Variants in NAA15 observed in about 807,000 individuals in gnomAD.
NAA15 encodes the protein N-terminal acetyltransferase.
NAA15 carries 34 observed loss-of-function variants against 114.0 expected under a neutral mutation model. That is an observed-to-expected ratio of 0.30 (90% CI 0.23 to 0.40). The LOEUF is 0.40. Ranked by LOEUF, NAA15 falls within the 10% of genes least tolerant of loss-of-function variation. The pLI is 1.00. For synonymous variants in NAA15, 340 were observed against 338.0 expected (o/e 1.01, Z -0.06); for missense variants, 658 against 1,004.5 (o/e 0.66, Z 4.66).
chr4:139,388,358 T>C lies in NAA15; in HGVS notation c.*274T>C, dbSNP rs1645718994. ...TCCTATTCCTCCCCACCCACCCATG[T>C]TTTTAAACTAATTTATATAAAATCT... On this transcript the variant is annotated 3_prime_UTR_variant, in exon 20 of 20. Coordinates refer to ENST00000296543, the MANE Select transcript of NAA15 (RefSeq NM_057175.5). 4.2e-6 allele frequency: 1 copy of C among 238,870 alleles called. No homozygotes were observed. The highest frequency in any genetic ancestry group is 2.3e-5 in the African/African-American group (1 of 43,850). The allele number at this position is 238,870 out of a possible 1,614,324, so 14.8% of individuals were successfully genotyped here.
At chr4:139,339,624 G>A (rs577887972) in intron 3 of NAA15, among the ~76,000 whole-genome samples, 13 of 152,196 alleles carry the variant, frequency 8.5e-5, no homozygotes, top group Non-Finnish European at 1.0e-4. Flanking sequence ...GGTGGCAGAC[G>A]CTTGTAATCC....
intron 10 of NAA15, among the ~76,000 whole-genome samples, chr4:139,355,667 G>C (rs543495325): frequency 6.6e-6 from 1 of 152,154 alleles, no homozygotes; most frequent in Non-Finnish European, 1.5e-5. Flanking sequence ...ATGTTGGAAA[G>C]GGAAAATACA....
intron 15 of NAA15, among the ~76,000 whole-genome samples, chr4:139,375,843 A>C (rs1194649438): frequency 6.7e-6 from 1 of 149,228 alleles, no homozygotes; most frequent in East Asian, 1.9e-4. Flanking sequence ...AAATATTAAT[A>C]TTTTAAAATG....
At chr4:139,322,496 G>A (rs185023190) in intron 1 of NAA15, among the ~76,000 whole-genome samples, 1 of 152,306 alleles carries the variant, frequency 6.6e-6, no homozygotes, top group Admixed American at 6.5e-5. Context: ...TAAGGTGTGA[G>A]CTTTCTGGAT....
chr4:139,359,030 G>A (rs1431681243), intron 11 of NAA15, among the ~76,000 whole-genome samples: 2 of 151,584 alleles, frequency 1.3e-5, no homozygotes, highest in African/African-American at 4.8e-5. Flanking sequence ...GCTTGAACCC[G>A]GGAGGCGGAG....
chr4:139,319,225 C>T (rs138096395), intron 1 of NAA15, among the ~76,000 whole-genome samples: 243 of 152,220 alleles, frequency 1.6e-3, no homozygotes, highest in Non-Finnish European at 2.7e-3. Context: ...ACCCGTGAGG[C>T]GGGGGTTGCA....
At chr4:139,351,389 T>C (rs1747773627) in intron 8 of NAA15, 103 bp downstream of exon 8, 1 of 1,041,338 alleles carries the variant, frequency 9.6e-7, no homozygotes. Flanking sequence ...AGCTATACAT[T>C]GTTAGAGTTG....
At chr4:139,386,945 A>G (rs1239357564) in intron 19 of NAA15, among the ~76,000 whole-genome samples, 1 of 152,216 alleles carries the variant, frequency 6.6e-6, no homozygotes, top group Non-Finnish European at 1.5e-5. Flanking sequence ...CTGTAGTTTA[A>G]ACTAGAAACA....
intron 1 of NAA15, among the ~76,000 whole-genome samples, chr4:139,309,348 CAAA>C (rs1185235574): frequency 1.5e-5 from 1 of 68,740 alleles, no homozygotes; most frequent in Admixed American, 1.5e-4. Flanking sequence ...AACTTCGTCT[CAAA>C]AAAAAAAAAA....
intron 15 of NAA15, among the ~76,000 whole-genome samples, chr4:139,372,208 G>A (rs770062095): frequency 2.0e-5 from 3 of 152,112 alleles, no homozygotes; most frequent in Non-Finnish European, 2.9e-5. Context: ...GAGCCACTGC[G>A]CCTGGCCCAT....
At chr4:139,374,817 C>T (rs897591961) in intron 15 of NAA15, among the ~76,000 whole-genome samples, 2 of 152,128 alleles carry the variant, frequency 1.3e-5, no homozygotes, top group African/African-American at 4.8e-5. Context: ...AAACCCAACC[C>T]AGATCTCCTT....
chr4:139,327,806 C>T (rs1483883847), intron 1 of NAA15, among the ~76,000 whole-genome samples: 1 of 152,066 alleles, frequency 6.6e-6, no homozygotes, highest in East Asian at 1.9e-4. Context: ...GCTAGCATTA[C>T]AGGCATGCAC....
intron 14 of NAA15, among the ~76,000 whole-genome samples, chr4:139,368,535 G>T (rs1042382915): frequency 6.6e-6 from 1 of 152,110 alleles, no homozygotes; most frequent in Non-Finnish European, 1.5e-5. Context: ...GCCATACATT[G>T]GTCTTTCCAT....
intron 14 of NAA15, among the ~76,000 whole-genome samples, chr4:139,362,761 A>T (rs1748171101): frequency 6.6e-6 from 1 of 152,166 alleles, no homozygotes; most frequent in African/African-American, 2.4e-5. Context: ...GACTAGGGAG[A>T]AGTCTTTCTT....
chr4:139,348,465 A>G (rs1747673614), intron 6 of NAA15, among the ~76,000 whole-genome samples: 1 of 152,050 alleles, frequency 6.6e-6, no homozygotes. Flanking sequence ...AAAAAAAAAA[A>G]AAAAAGTCAC....
chr4:139,388,419 A>T lies in NAA15; in HGVS notation c.*335A>T, dbSNP rs1290553489. ...ACAGCTAACAAAGCAGGTGTGTGGC[A>T]GAAATATTACTTTAAATTTGTCTTG... is the stretch of plus-strand genomic sequence containing the variant. On this transcript the variant is annotated 3_prime_UTR_variant, in exon 20 of 20. Coordinates refer to ENST00000296543, the MANE Select transcript of NAA15 (RefSeq NM_057175.5). 1 of 183,352 alleles carries T rather than the reference A, an allele frequency of 5.5e-6. No individual in the cohort carries two copies. Among genetic ancestry groups the T allele is most frequent in the East Asian group, 1.5e-4 (1 of 6,710 alleles). 11.4% of individuals were successfully genotyped at this position (183,352 alleles called of 1,614,324 possible).
intron 14 of NAA15, among the ~76,000 whole-genome samples, chr4:139,368,727 A>AG (rs1158914095): frequency 6.6e-6 from 1 of 151,796 alleles, no homozygotes; most frequent in Non-Finnish European, 1.5e-5. Context: ...GCGGGGGTGG[A>AG]GGGGGGTCCT....
intron 11 of NAA15, among the ~76,000 whole-genome samples, chr4:139,358,286 G>T (rs952714147): frequency 1.5e-4 from 22 of 151,040 alleles, no homozygotes; most frequent in Non-Finnish European, 1.9e-4. Flanking sequence ...TCTGCCTTCC[G>T]GGTTGAAGCA....
chr4:139,309,567 G>A (rs1180591010), intron 1 of NAA15, among the ~76,000 whole-genome samples: 3 of 151,878 alleles, frequency 2.0e-5, no homozygotes, highest in African/African-American at 7.3e-5. Context: ...ATGCTACTGC[G>A]CCTGGCCTGT....
Sources: gnomAD v4.1 joint callset for allele counts (sites outside exome capture counted in the v4.1 genomes callset) on GRCh38, gnomAD v4.1.1 for gene constraint, MANE v1.5 for transcripts, NCBI Gene and HGNC (gene_info 2026-07-23, HGNC 2026-07-21) for gene names.